Variants in HCN1 observed in about 807,000 individuals in gnomAD.
HCN1 encodes hyperpolarization activated cyclic nucleotide gated potassium channel 1.
Under a neutral mutation model 78.9 loss-of-function variants are expected in HCN1, and 13 were observed. The ratio of observed to expected loss-of-function variants is 0.16; its 90% CI spans 0.11 to 0.26. The LOEUF (loss-of-function observed/expected upper bound fraction) is 0.26. Among genes scored for constraint, HCN1 ranks in the 10% least tolerant of loss-of-function variants. The pLI is 1.00. For synonymous variants in HCN1, 552 were observed against 455.5 expected (o/e 1.21, Z -2.70); for missense variants, 810 against 1,154.3 (o/e 0.70, Z 4.32).
At chr5:45,455,475 T>G (rs1168478371) in intron 3 of HCN1, among the ~76,000 whole-genome samples, 2 of 152,160 alleles carry the variant, frequency 1.3e-5, no homozygotes, top group South Asian at 2.1e-4. Context: ...TGTCTCATCC[T>G]CTACCATGTG....
At chr5:45,356,739 G>A (rs748682446) in intron 4 of HCN1, among the ~76,000 whole-genome samples, 1 of 151,872 alleles carries the variant, frequency 6.6e-6, no homozygotes, top group Non-Finnish European at 1.5e-5. Flanking sequence ...TTTACCAGGT[G>A]AAAGTAAAAA....
At chr5:45,286,217 T>C (rs1579780084) in intron 6 of HCN1, among the ~76,000 whole-genome samples, 1 of 151,974 alleles carries the variant, frequency 6.6e-6, no homozygotes, top group African/African-American at 2.4e-5. Context: ...TTTAAAAATA[T>C]ATACCTTATT....
intron 5 of HCN1, among the ~76,000 whole-genome samples, chr5:45,352,799 T>A (rs1746938169): frequency 6.6e-6 from 1 of 151,736 alleles, no homozygotes; most frequent in Admixed American, 6.6e-5. Flanking sequence ...AAGAATCAGT[T>A]TGATAAGAAT....
chr5:45,358,810 T>C (rs1247696904), intron 4 of HCN1, among the ~76,000 whole-genome samples: 2 of 152,122 alleles, frequency 1.3e-5, no homozygotes, highest in African/African-American at 4.8e-5. Flanking sequence ...AAGCTTTTCC[T>C]GACGCCCCGC....
intron 4 of HCN1, among the ~76,000 whole-genome samples, chr5:45,383,762 C>T (rs2112028003): frequency 6.6e-6 from 1 of 151,822 alleles, no homozygotes; most frequent in Admixed American, 6.6e-5. Flanking sequence ...AAACTATTAA[C>T]TTTAATTAAT....
chr5:45,339,404 C>T (rs965460217), intron 5 of HCN1, among the ~76,000 whole-genome samples: 3 of 152,122 alleles, frequency 2.0e-5, no homozygotes, highest in South Asian at 4.1e-4. Context: ...AATGAAGATA[C>T]GGTAGCATGA....
intron 2 of HCN1, among the ~76,000 whole-genome samples, chr5:45,616,404 A>G (rs1744955172): frequency 6.6e-6 from 1 of 151,990 alleles, no homozygotes; most frequent in Admixed American, 6.6e-5. Context: ...TAAAATAACA[A>G]CAATAGTCAC....
intron 2 of HCN1, among the ~76,000 whole-genome samples, chr5:45,523,091 G>A (rs1404140040): frequency 6.7e-6 from 1 of 149,754 alleles, no homozygotes; most frequent in Non-Finnish European, 1.5e-5. Flanking sequence ...TCCCACCTAT[G>A]AGTGAGAACA....
At chr5:45,644,289 CT>C (rs1745505714) in intron 2 of HCN1, 1 of 152,160 alleles carries the variant, frequency 6.6e-6, no homozygotes, top group African/African-American at 2.4e-5. Flanking sequence ...CTTTTGGACT[CT>C]TACGCTTATG....
At chr5:45,362,687 A>T (rs1053994181) in intron 4 of HCN1, among the ~76,000 whole-genome samples, 2 of 152,132 alleles carry the variant, frequency 1.3e-5, no homozygotes, top group Non-Finnish European at 2.9e-5. Flanking sequence ...TCTTCATTTT[A>T]CAGATAATGA....
At chr5:45,374,301 G>GTATATATTA (rs1561130552) in intron 4 of HCN1, among the ~76,000 whole-genome samples, 16 of 124,006 alleles carry the variant, frequency 1.3e-4, no homozygotes, top group African/African-American at 4.6e-4. Flanking sequence ...TATATATATT[G>GTATATATTA]TATACATTAT....
chr5:45,411,902 G>A (rs1740031762), intron 3 of HCN1, among the ~76,000 whole-genome samples: 1 of 152,042 alleles, frequency 6.6e-6, no homozygotes. Context: ...ACCACTTAGT[G>A]CAATTCCTGT....
At chr5:45,582,886 G>T (rs1323918105) in intron 2 of HCN1, among the ~76,000 whole-genome samples, 1 of 152,170 alleles carries the variant, frequency 6.6e-6, no homozygotes, top group Non-Finnish European at 1.5e-5. Context: ...GATTATGGTG[G>T]ATAAGCTTTT....
intron 6 of HCN1, among the ~76,000 whole-genome samples, chr5:45,290,640 T>G (rs1745354089): frequency 6.6e-6 from 1 of 152,030 alleles, no homozygotes; most frequent in Non-Finnish European, 1.5e-5. Flanking sequence ...CTTATTCAAT[T>G]AAAGGTGGCT....
chr5:45,628,589 A>G (rs1382954959), intron 2 of HCN1, among the ~76,000 whole-genome samples: 1 of 152,238 alleles, frequency 6.6e-6, no homozygotes, highest in African/African-American at 2.4e-5. Context: ...TTTTAGTATT[A>G]CAATTAAAAG....
At chr5:45,539,041 T>C (rs951501653) in intron 2 of HCN1, among the ~76,000 whole-genome samples, 11 of 152,204 alleles carry the variant, frequency 7.2e-5, no homozygotes, top group African/African-American at 2.7e-4. Flanking sequence ...AATCAACTGC[T>C]TAAGATTTAA....
At chr5:45,585,704 G>C (rs1372334720) in intron 2 of HCN1, among the ~76,000 whole-genome samples, 6 of 152,198 alleles carry the variant, frequency 3.9e-5, no homozygotes, top group Non-Finnish European at 8.8e-5. Context: ...TGGGGTTTTG[G>C]TGTGGATGTC....
intron 5 of HCN1, among the ~76,000 whole-genome samples, chr5:45,332,958 C>T (rs1746376651): frequency 6.6e-6 from 1 of 151,706 alleles, no homozygotes; most frequent in Admixed American, 6.6e-5. Flanking sequence ...CATGGAAGTG[C>T]AGATATCTCT....
chr5:45,379,239 C>T (rs1747754727), intron 4 of HCN1, among the ~76,000 whole-genome samples: 1 of 152,114 alleles, frequency 6.6e-6, no homozygotes, highest in Non-Finnish European at 1.5e-5. Flanking sequence ...GTCCCACCAA[C>T]AGTGTAAAAG....
Sources: allele counts gnomAD v4.1 joint callset (sites outside exome capture counted in the v4.1 genomes callset), GRCh38; gene constraint gnomAD v4.1.1; transcripts MANE v1.5; gene names NCBI Gene and HGNC (gene_info 2026-07-23, HGNC 2026-07-21).